Variants in NEGR1 observed in about 807,000 individuals in gnomAD.
NEGR1 encodes IgLON family member 4.
In NEGR1, 10 loss-of-function variants were observed where a neutral mutation model predicts 40.9. The observed-to-expected ratio is 0.24, with a 90% CI of 0.15 to 0.42. The LOEUF (loss-of-function observed/expected upper bound fraction) is 0.42. Among genes scored for constraint, NEGR1 ranks in the 10% least tolerant of loss-of-function variants. NEGR1 has a pLI of 1.00. For synonymous variants in NEGR1, 185 were observed against 166.8 expected (o/e 1.11, Z -0.84); for missense variants, 352 against 438.9 (o/e 0.80, Z 1.77).
At position 71,866,295 on chromosome 1, in the gene NEGR1, G is replaced by A. The variant is rs575869500; in HGVS notation, c.409+68784C>T. 8.6e-4 allele frequency among the ~76,000 whole-genome samples: 131 copies of A among 152,140 alleles called. No homozygotes were observed. In the Middle Eastern group the frequency reaches 0.021, roughly 24 times the overall value. ...TCCTAAGTAGACCATTAGCAATTTA[G>A]CAAAAGAAATTCTGGTTTCAGAGGA... On this transcript the variant is annotated intron_variant, in intron 2 of 6. Coordinates refer to ENST00000357731, the MANE Select transcript of NEGR1 (RefSeq NM_173808.3).
intron 1 of NEGR1, among the ~76,000 whole-genome samples, chr1:72,172,003 A>T (rs2100395802): frequency 6.6e-6 from 1 of 152,258 alleles, no homozygotes; most frequent in South Asian, 2.1e-4. Flanking sequence ...TTGTCAGGCC[A>T]TTAATTTTAA....
At chr1:71,955,094 C>T (rs528824503) in intron 1 of NEGR1, among the ~76,000 whole-genome samples, 3 of 152,208 alleles carry the variant, frequency 2.0e-5, no homozygotes, top group African/African-American at 4.8e-5. Flanking sequence ...GCCCTTTGTA[C>T]CATGCTTTAC....
rs562205157 is a variant in NEGR1, at chr1:71,695,420, C to T, written c.667+2588G>A. Among the ~76,000 whole-genome samples, 61 of 151,712 alleles carry T rather than the reference C, an allele frequency of 4.0e-4. 1 individual carries two copies. The highest frequency in any genetic ancestry group is 1.4e-3 in the African/African-American group (58 of 41,478). On this transcript the variant is annotated intron_variant, in intron 4 of 6. Transcript: ENST00000357731. ...TAATATTATGTCTGCAGCAATATGT[C>T]GACTTATAACTGTACTTATCTACCT... is the stretch of plus-strand genomic sequence containing the variant.
intron 3 of NEGR1, among the ~76,000 whole-genome samples, chr1:71,700,122 A>G (rs1419982421): frequency 2.0e-5 from 3 of 152,016 alleles, no homozygotes; most frequent in Admixed American, 1.3e-4. Context: ...TGTTTAGCCA[A>G]TGATTGATCA....
At chr1:71,790,634 C>T (rs893421036) in intron 2 of NEGR1, among the ~76,000 whole-genome samples, 1 of 151,844 alleles carries the variant, frequency 6.6e-6, no homozygotes, top group African/African-American at 2.4e-5. Flanking sequence ...AATAAAGTAT[C>T]CTAAACAAGA....
rs114814942 is a variant in NEGR1 at position 71,700,455 on chromosome 1, T to C, written c.536-2316A>G. Among the ~76,000 whole-genome samples, 1,073 of 152,116 alleles carry C rather than the reference T, an allele frequency of 7.1e-3. 8 individuals are homozygous for C. The highest frequency in any genetic ancestry group is 0.024 in the African/African-American group (1,017 of 41,538). ...TCATTCTTAGAACTATACAGCACTATATAAATGTTAATTTAATATCTGAAA... is the reference window on the plus strand; with the variant it reads ...TCATTCTTAGAACTATACAGCACTACATAAATGTTAATTTAATATCTGAAA... On this transcript the variant is annotated intron_variant, in intron 3 of 6. Coordinates refer to ENST00000357731, the MANE Select transcript of NEGR1 (RefSeq NM_173808.3).
intron 3 of NEGR1, among the ~76,000 whole-genome samples, chr1:71,740,473 A>G (rs999197138): frequency 1.3e-5 from 2 of 152,132 alleles, no homozygotes; most frequent in Non-Finnish European, 2.9e-5. Flanking sequence ...AAATTTTCCT[A>G]ACGAGACACT....
intron 4 of NEGR1, among the ~76,000 whole-genome samples, chr1:71,674,990 G>A (rs1432237202): frequency 6.6e-6 from 1 of 150,542 alleles, no homozygotes; most frequent in African/African-American, 2.4e-5. Flanking sequence ...TTCCAACACT[G>A]AATAAAGAAA....
chr1:71,953,512 A>G (rs981244029), intron 1 of NEGR1, among the ~76,000 whole-genome samples: 1 of 152,018 alleles, frequency 6.6e-6, no homozygotes, highest in African/African-American at 2.4e-5. Context: ...GATTTAGACT[A>G]TTACAAAAAC....
chr1:71,450,053 C>T (rs1469212815), intron 6 of NEGR1, among the ~76,000 whole-genome samples: 1 of 150,560 alleles, frequency 6.6e-6, no homozygotes, highest in Non-Finnish European at 1.5e-5. Flanking sequence ...TGCAGCGGTC[C>T]ACTCTTAGCT....
At chr1:72,200,767 T>C (rs1653176822) in intron 1 of NEGR1, among the ~76,000 whole-genome samples, 1 of 151,984 alleles carries the variant, frequency 6.6e-6, no homozygotes, top group East Asian at 1.9e-4. Context: ...TAGCTAAGGA[T>C]TTCCACTCCA....
At chr1:71,999,672 T>TAC (rs1646539424) in intron 1 of NEGR1, among the ~76,000 whole-genome samples, 1 of 51,790 alleles carries the variant, frequency 1.9e-5, no homozygotes, top group African/African-American at 5.9e-5. Context: ...TATATATATA[T>TAC]ATATATACAT....
intron 1 of NEGR1, among the ~76,000 whole-genome samples, chr1:72,036,874 G>C (rs1187620619): frequency 5.3e-5 from 8 of 152,106 alleles, no homozygotes; most frequent in Non-Finnish European, 1.2e-4. Flanking sequence ...AACAAGGTGA[G>C]ATATAAATAT....
At chr1:71,706,133 C>T (rs1366277786) in intron 3 of NEGR1, among the ~76,000 whole-genome samples, 5 of 152,218 alleles carry the variant, frequency 3.3e-5, no homozygotes, top group Admixed American at 6.5e-5. Context: ...CCCAAGTCTC[C>T]GGATGCAGCT....
intron 1 of NEGR1, chr1:72,274,910 G>T (rs566821976): frequency 6.3e-7 from 1 of 1,589,894 alleles, no homozygotes. Flanking sequence ...CAAGTCAATC[G>T]AAAGTCAGAT....
chr1:71,642,205 G>A (rs1651376637), intron 4 of NEGR1, among the ~76,000 whole-genome samples: 1 of 151,968 alleles, frequency 6.6e-6, no homozygotes, highest in South Asian at 2.1e-4. Context: ...ACTCTCAGCT[G>A]TTTATTGTGT....
At chr1:71,612,775 C>A (rs904159766) in intron 4 of NEGR1, among the ~76,000 whole-genome samples, 3 of 152,028 alleles carry the variant, frequency 2.0e-5, no homozygotes, top group African/African-American at 7.2e-5. Flanking sequence ...AGAGACAGAA[C>A]CTTGAAGGAA....
chr1:71,838,630 C>T (rs1315607038), intron 2 of NEGR1, among the ~76,000 whole-genome samples: 1 of 152,074 alleles, frequency 6.6e-6, no homozygotes, highest in African/African-American at 2.4e-5. Context: ...GTGTGAAGTG[C>T]TTTGTTTCAT....
At chr1:71,725,694 T>C (rs1654647790) in intron 3 of NEGR1, among the ~76,000 whole-genome samples, 1 of 152,144 alleles carries the variant, frequency 6.6e-6, no homozygotes, top group South Asian at 2.1e-4. Flanking sequence ...GCTTTTGTCA[T>C]TATTGTTATT....
Sources: gnomAD v4.1 joint callset for allele counts (sites outside exome capture counted in the v4.1 genomes callset) on GRCh38, gnomAD v4.1.1 for gene constraint, MANE v1.5 for transcripts, NCBI Gene and HGNC (gene_info 2026-07-23, HGNC 2026-07-21) for gene names.